Variants in PRKCA observed in about 807,000 individuals in gnomAD.
PRKCA encodes the protein protein kinase C alpha type.
PRKCA carries 27 observed loss-of-function variants against 87.0 expected under a neutral mutation model. The observed-to-expected ratio is 0.31, with a 90% CI of 0.23 to 0.43. The LOEUF (loss-of-function observed/expected upper bound fraction) is 0.43. Among genes scored for constraint, PRKCA ranks in the 20% least tolerant of loss-of-function variants. The pLI, the probability that PRKCA is intolerant of heterozygous loss-of-function variation, is 1.00. For synonymous variants in PRKCA, 329 were observed against 311.1 expected (o/e 1.06, Z -0.61); for missense variants, 518 against 852.3 (o/e 0.61, Z 4.88).
intron 8 of PRKCA, among the ~76,000 whole-genome samples, chr17:66,731,678 G>A (rs1374965414): frequency 1.3e-5 from 2 of 152,020 alleles, no homozygotes; most frequent in Non-Finnish European, 2.9e-5. Flanking sequence ...GTGAGGGCAG[G>A]GCCCCCTCTA....
At chr17:66,443,564 T>C (rs935787933) in intron 2 of PRKCA, among the ~76,000 whole-genome samples, 10 of 152,140 alleles carry the variant, frequency 6.6e-5, no homozygotes, top group African/African-American at 2.4e-4. Flanking sequence ...AAATGTCTGT[T>C]ATGGTGAGTG....
At chr17:66,361,030 G>A (rs1389043511) in intron 2 of PRKCA, among the ~76,000 whole-genome samples, 1 of 151,984 alleles carries the variant, frequency 6.6e-6, no homozygotes, top group Non-Finnish European at 1.5e-5. Context: ...CCTTCAACAA[G>A]CTCTCGGTGA....
chr17:66,336,594 T>A (rs1006975662), intron 2 of PRKCA, among the ~76,000 whole-genome samples: 1 of 123,858 alleles, frequency 8.1e-6, no homozygotes, highest in South Asian at 2.8e-4. Flanking sequence ...TTGGCTTAAG[T>A]TTTTTTGGTG....
intron 2 of PRKCA, among the ~76,000 whole-genome samples, chr17:66,388,274 C>T (rs1328339557): frequency 6.6e-6 from 1 of 151,992 alleles, no homozygotes; most frequent in Non-Finnish European, 1.5e-5. Flanking sequence ...ATAGAGATAT[C>T]TGAGTCCATC....
At chr17:66,571,561 G>A (rs1885294071) in intron 3 of PRKCA, among the ~76,000 whole-genome samples, 1 of 152,038 alleles carries the variant, frequency 6.6e-6, no homozygotes, top group Non-Finnish European at 1.5e-5. Context: ...AAGAAATACT[G>A]TATACTTAAC....
chr17:66,458,897 C>A (rs992736708), intron 2 of PRKCA, among the ~76,000 whole-genome samples: 1 of 152,162 alleles, frequency 6.6e-6, no homozygotes, highest in African/African-American at 2.4e-5. Context: ...AGAGAAGTAA[C>A]ATTTGTTAAA....
chr17:66,653,913 C>G (rs1012779448), intron 5 of PRKCA, among the ~76,000 whole-genome samples: 1 of 152,054 alleles, frequency 6.6e-6, no homozygotes, highest in African/African-American at 2.4e-5. Context: ...GGTAACTGCT[C>G]TTCATGACAA....
intron 2 of PRKCA, among the ~76,000 whole-genome samples, chr17:66,453,039 G>A (rs554729232): frequency 2.6e-5 from 4 of 152,326 alleles, no homozygotes; most frequent in Non-Finnish European, 2.9e-5. Context: ...TAGGAGTCCT[G>A]CCTGGAAGGC....
At position 66,367,160 on chromosome 17, in the gene PRKCA, C is replaced by T. The variant is rs551105595; in HGVS notation, c.205+61033C>T. On this transcript the variant is annotated intron_variant, in intron 2 of 16. Transcript: ENST00000413366. Reference sequence around the variant, plus strand: ...ATTTAGGAGTTTGATAAGTTTCTAACAGGACCATGGTGAGTTCACAAAATC... The same window carrying T: ...ATTTAGGAGTTTGATAAGTTTCTAATAGGACCATGGTGAGTTCACAAAATC... Among the ~76,000 whole-genome samples the T allele has an allele frequency of 8.5e-5, 13 of 152,332 alleles. No individual in the cohort carries two copies. In the South Asian group the frequency reaches 2.7e-3, roughly 32 times the overall value.
chr17:66,381,097 G>A (rs914159818), intron 2 of PRKCA, among the ~76,000 whole-genome samples: 20 of 151,838 alleles, frequency 1.3e-4, no homozygotes, highest in Admixed American at 7.9e-4. Context: ...AAGCCACCAC[G>A]CCCAGCTAAG....
chr17:66,472,202 A>G (rs1328483068), intron 2 of PRKCA, among the ~76,000 whole-genome samples: 1 of 152,112 alleles, frequency 6.6e-6, no homozygotes, highest in Non-Finnish European at 1.5e-5. Flanking sequence ...CAGCCTCCCA[A>G]AGTGCTGGGA....
chr17:66,666,701 G>A (rs756307652), intron 5 of PRKCA, among the ~76,000 whole-genome samples: 6 of 152,054 alleles, frequency 3.9e-5, no homozygotes, highest in Admixed American at 2.6e-4. Flanking sequence ...TTCATTCTTT[G>A]CAAAAATGCC....
chr17:66,650,982 G>C (rs1006489696), intron 5 of PRKCA, among the ~76,000 whole-genome samples: 1 of 152,170 alleles, frequency 6.6e-6, no homozygotes, highest in Non-Finnish European at 1.5e-5. Flanking sequence ...TGGTCTTTGG[G>C]GGAGAATTCA....
chr17:66,789,006 C>T (rs567650829), intron 16 of PRKCA, 27 bp downstream of exon 16: 29 of 1,613,412 alleles, frequency 1.8e-5, no homozygotes, highest in Middle Eastern at 3.3e-4. Flanking sequence ...AGCCTGTTTT[C>T]GGAACCCCAT....
chr17:66,787,879 C>T (rs370682461), intron 15 of PRKCA, among the ~76,000 whole-genome samples: 14 of 152,258 alleles, frequency 9.2e-5, no homozygotes, highest in Middle Eastern at 3.4e-3. Flanking sequence ...GCCATAGTTC[C>T]TCCTGTCATA....
At chr17:66,313,115 A>G (rs1182313403) in intron 2 of PRKCA, among the ~76,000 whole-genome samples, 1 of 152,088 alleles carries the variant, frequency 6.6e-6, no homozygotes, top group Non-Finnish European at 1.5e-5. Flanking sequence ...GCGAGGACTG[A>G]GTCTTATTTC....
At chr17:66,514,670 G>A (rs746403081) in intron 3 of PRKCA, among the ~76,000 whole-genome samples, 4 of 151,890 alleles carry the variant, frequency 2.6e-5, no homozygotes, top group Non-Finnish European at 5.9e-5. Flanking sequence ...TTTGTTACCC[G>A]GTAGGTGTGA....
chr17:66,538,692 T>TC (rs1158019718), intron 3 of PRKCA, among the ~76,000 whole-genome samples: 8 of 152,212 alleles, frequency 5.3e-5, no homozygotes, highest in African/African-American at 1.9e-4. Flanking sequence ...TTTATTCTCA[T>TC]CCCTTGTGGG....
At chr17:66,495,655 C>T (rs748727538) in intron 2 of PRKCA, among the ~76,000 whole-genome samples, 1 of 151,842 alleles carries the variant, frequency 6.6e-6, no homozygotes, top group Non-Finnish European at 1.5e-5. Flanking sequence ...CACGTTCAAG[C>T]GATTATCCTG....
Sources: gnomAD v4.1 joint callset for allele counts (sites outside exome capture counted in the v4.1 genomes callset) on GRCh38, gnomAD v4.1.1 for gene constraint, MANE v1.5 for transcripts, NCBI Gene and HGNC (gene_info 2026-07-23, HGNC 2026-07-21) for gene names.